Variants in POFUT3 observed in about 807,000 individuals in gnomAD.
POFUT3 encodes GDP-fucose protein O-fucosyltransferase 3.
At chr8:33,343,939 C>T in the POFUT3 span, among the ~76,000 whole-genome samples, 1 of 152,174 alleles carries the variant, frequency 6.6e-6, no homozygotes, top group Non-Finnish European at 1.5e-5. Flanking sequence ...GACCCCCAAC[C>T]CACACTTCCT....
the POFUT3 span, chr8:33,389,657 A>C: frequency 6.2e-7 from 1 of 1,614,226 alleles, no homozygotes; most frequent in Non-Finnish European, 8.5e-7. Flanking sequence ...ATGCCTGCTG[A>C]ACGTGGCAGT....
the POFUT3 span, among the ~76,000 whole-genome samples, chr8:33,350,884 T>G: frequency 6.6e-6 from 1 of 152,222 alleles, no homozygotes; most frequent in East Asian, 1.9e-4. Flanking sequence ...ATTGTGGTGG[T>G]ATAAATACAT....
chr8:33,373,131 T>C, the POFUT3 span, among the ~76,000 whole-genome samples: 2 of 152,142 alleles, frequency 1.3e-5, no homozygotes, highest in Non-Finnish European at 2.9e-5. Context: ...GTTTATTCCT[T>C]TTCCCCCTAT....
chr8:33,389,309 A>G, the POFUT3 span: 1 of 1,614,150 alleles, frequency 6.2e-7, no homozygotes, highest in Non-Finnish European at 8.5e-7. Flanking sequence ...CTTCTCAGTG[A>G]TGTAGTCATC....
chr8:33,449,640 A>G, the POFUT3 span, among the ~76,000 whole-genome samples: 1 of 151,846 alleles, frequency 6.6e-6, no homozygotes, highest in Non-Finnish European at 1.5e-5. Flanking sequence ...ACTCCTCAAC[A>G]CCATCCTATG....
chr8:33,316,672 G>A, the POFUT3 span, among the ~76,000 whole-genome samples: 1 of 151,846 alleles, frequency 6.6e-6, no homozygotes, highest in Non-Finnish European at 1.5e-5. Context: ...AACCCAGGAG[G>A]TGGAGGTTGC....
chr8:33,389,275 C>T, the POFUT3 span: 2 of 1,614,048 alleles, frequency 1.2e-6, no homozygotes, highest in East Asian at 2.2e-5. Context: ...CAGGGACTAC[C>T]CCCAGTTTCA....
the POFUT3 span, chr8:33,453,142 T>G: frequency 6.8e-7 from 1 of 1,466,494 alleles, no homozygotes; most frequent in Non-Finnish European, 9.5e-7. Context: ...CCATCACTTT[T>G]CAGAGGTAAA....
chr8:33,331,449 G>A, the POFUT3 span, among the ~76,000 whole-genome samples: 1 of 152,110 alleles, frequency 6.6e-6, no homozygotes, highest in African/African-American at 2.4e-5. Context: ...AGAAGCAGAC[G>A]GCTTAAGTTG....
At chr8:33,428,614 T>C in the POFUT3 span, among the ~76,000 whole-genome samples, 585 of 152,034 alleles carry the variant, frequency 3.8e-3, 4 homozygotes, top group Non-Finnish European at 6.5e-3. Flanking sequence ...GGTTTGAACG[T>C]GTCTCCCAAA....
the POFUT3 span, among the ~76,000 whole-genome samples, chr8:33,399,829 T>C: frequency 6.6e-6 from 1 of 151,844 alleles, no homozygotes; most frequent in East Asian, 2.0e-4. Flanking sequence ...AATTTTTGTA[T>C]TTTTTGTAGA....
At chr8:33,440,200 G>T in the POFUT3 span, among the ~76,000 whole-genome samples, 1 of 151,964 alleles carries the variant, frequency 6.6e-6, no homozygotes, top group African/African-American at 2.4e-5. Flanking sequence ...ATGTCTCTGT[G>T]AAAAATTAAA....
chr8:33,326,289 C>T, the POFUT3 span, among the ~76,000 whole-genome samples: 1 of 152,060 alleles, frequency 6.6e-6, no homozygotes, highest in African/African-American at 2.4e-5. Flanking sequence ...GGCACTCCTA[C>T]ACTGGGGCTC....
the POFUT3 span, among the ~76,000 whole-genome samples, chr8:33,407,110 T>G: frequency 2.0e-5 from 3 of 152,184 alleles, no homozygotes; most frequent in African/African-American, 4.8e-5. Context: ...AGGATGATAT[T>G]TCAAAATTTA....
At chr8:33,390,371 C>G in the POFUT3 span, among the ~76,000 whole-genome samples, 1 of 151,904 alleles carries the variant, frequency 6.6e-6, no homozygotes, top group Non-Finnish European at 1.5e-5. Context: ...CGTGTCTGGC[C>G]AGGTTCTAAA....
At chr8:33,336,655 AG>A in the POFUT3 span, among the ~76,000 whole-genome samples, 1 of 152,136 alleles carries the variant, frequency 6.6e-6, no homozygotes, top group African/African-American at 2.4e-5. Flanking sequence ...ACCCTGAAAA[AG>A]GTTTATGCCA....
At chr8:33,419,602 G>A in the POFUT3 span, among the ~76,000 whole-genome samples, 5 of 152,258 alleles carry the variant, frequency 3.3e-5, no homozygotes, top group South Asian at 2.1e-4. Flanking sequence ...TTGGGAACCC[G>A]TCCCTTAAAT....
At chr8:33,365,203 T>C in the POFUT3 span, among the ~76,000 whole-genome samples, 12 of 152,084 alleles carry the variant, frequency 7.9e-5, no homozygotes, top group African/African-American at 2.4e-4. Flanking sequence ...ACTGGCTAGC[T>C]ATATGTAGAA....
At chr8:33,403,057 T>C in the POFUT3 span, among the ~76,000 whole-genome samples, 2 of 150,722 alleles carry the variant, frequency 1.3e-5, no homozygotes, top group African/African-American at 4.9e-5. Flanking sequence ...TGAAACCGTG[T>C]CTCAAAAAAA....
Sources: gnomAD v4.1 joint callset for allele counts (sites outside exome capture counted in the v4.1 genomes callset) on GRCh38, gnomAD v4.1.1 for gene constraint, MANE v1.5 for transcripts, NCBI Gene and HGNC (gene_info 2026-07-23, HGNC 2026-07-21) for gene names.